SHANK2: variants seen among roughly 807,000 people sequenced by gnomAD.
The protein encoded by SHANK2 is SH3 and multiple ankyrin repeat domains 2.
A neutral mutation model predicts 133.7 loss-of-function variants in SHANK2; 43 were observed. That is an observed-to-expected ratio of 0.32 (90% CI 0.25 to 0.41). The LOEUF is 0.41. SHANK2 is among the 10% of genes least tolerant of loss of function. SHANK2 has a pLI of 1.00. For synonymous variants in SHANK2, 1,017 were observed against 952.8 expected, an observed-to-expected ratio of 1.07 and a Z score of -1.24; for missense variants, 1,994 against 2,235.8, an observed-to-expected ratio of 0.89 and a Z score of 2.18.
At chr11:71,078,484 G>A (rs1342223658) in intron 8 of SHANK2, among the ~76,000 whole-genome samples, 1 of 152,188 alleles carries the variant, frequency 6.6e-6, no homozygotes, top group African/African-American at 2.4e-5. Context: ...GGTGAAAGGG[G>A]TATGAGAAAA....
intron 17 of SHANK2, among the ~76,000 whole-genome samples, chr11:70,511,231 G>A (rs1364532282): frequency 3.9e-5 from 6 of 152,192 alleles, no homozygotes; most frequent in African/African-American, 1.4e-4. Context: ...AGACCAGCAC[G>A]CAACAAGGCA....
In SHANK2 at chr11:70,661,696, G is replaced by C; in HGVS notation, c.1854-18C>G. 1 of 1,614,106 alleles carries C rather than the reference G, an allele frequency of 6.2e-7. No homozygotes were observed. The highest frequency in any genetic ancestry group is 8.5e-7 in the Non-Finnish European group (1 of 1,180,038). On this transcript the variant is annotated intron_variant, in intron 15 of 25. Transcript: ENST00000601538. ...TGCAGTCACTGTAGAGAGAATTCCG[G>C]GGACAGCGACCATTATTGTAGCCCG... is the stretch of plus-strand genomic sequence containing the variant.
At chr11:70,767,332 C>G (rs552212262) in intron 14 of SHANK2, among the ~76,000 whole-genome samples, 26 of 152,278 alleles carry the variant, frequency 1.7e-4, no homozygotes, top group Admixed American at 9.2e-4. Flanking sequence ...TATGACCCAC[C>G]AATTCCATTC....
intron 14 of SHANK2, among the ~76,000 whole-genome samples, chr11:70,760,291 C>G (rs1423543438): frequency 2.0e-5 from 3 of 152,242 alleles, no homozygotes; most frequent in East Asian, 1.9e-4. Context: ...CTCACCTCCT[C>G]GAAGCGCCTG....
intron 17 of SHANK2, among the ~76,000 whole-genome samples, chr11:70,609,448 C>T (rs2060624831): frequency 6.6e-6 from 1 of 152,314 alleles, no homozygotes; most frequent in South Asian, 2.1e-4. Context: ...CACCCAACCA[C>T]CATGTGACCC....
At position 70,635,757 on chromosome 11, in the gene SHANK2, A is replaced by T. The variant is rs1350340537; in HGVS notation, c.2061+24071T>A. ...TAAACATAATACAAAGTATAACTGT[A>T]AAAAAAAAAAGGGGGGAGGAAGTGA... On this transcript the variant is annotated intron_variant, in intron 17 of 25. Coordinates refer to ENST00000601538, the MANE Select transcript of SHANK2 (RefSeq NM_012309.5). 5.9e-5 allele frequency among the ~76,000 whole-genome samples: 8 copies of T among 134,654 alleles called. No homozygotes were observed. In the Admixed American group the frequency reaches 6.3e-4, roughly 11 times the overall value. 88.3% of individuals were successfully genotyped at this position (134,654 alleles called of 152,430 possible). A position where few individuals can be genotyped will look rare whatever the true frequency, so the allele number is the denominator to read the frequency against.
intron 17 of SHANK2, among the ~76,000 whole-genome samples, chr11:70,526,429 C>T (rs1186317664): frequency 6.6e-6 from 1 of 152,202 alleles, no homozygotes; most frequent in Non-Finnish European, 1.5e-5. Context: ...CCCTGCTTCA[C>T]CTTTCCACAT....
rs1202724625 is a variant in SHANK2 at position 70,487,290 on chromosome 11, G to A, written c.3003C>T (p.Tyr1001=). 4 of 1,614,210 alleles carry A rather than the reference G, an allele frequency of 2.5e-6. No individual in the cohort carries two copies. Among genetic ancestry groups the A allele is most frequent in the Admixed American group, 1.7e-5 (1 of 60,028 alleles). The change falls in exon 25 of 26, where the codon TAC becomes TAT. Residue 1001 remains tyrosine (Y), a synonymous_variant. Transcript: ENST00000601538. This position sits in a 1 kb window ranked among gnomAD's most constrained non-coding sequence, Gnocchi z 5.8. ...TCCGCCTGGCGGGCTTGGCGGGGAC[G>A]TAGACGGCTTTGCTGGCGATCTTCC... ...EVGKIASKAV[Y]VPAKPARRKG...
At chr11:70,747,469 C>G (rs571860774) in intron 14 of SHANK2, among the ~76,000 whole-genome samples, 2 of 152,324 alleles carry the variant, frequency 1.3e-5, no homozygotes, top group East Asian at 3.9e-4. Context: ...TTCCTTGTCA[C>G]ATCCTGGAAG....
At chr11:70,940,326 A>G (rs1260212982) in intron 10 of SHANK2, among the ~76,000 whole-genome samples, 2 of 147,600 alleles carry the variant, frequency 1.4e-5, no homozygotes, top group Non-Finnish European at 3.0e-5. Flanking sequence ...GGCTTACTGC[A>G]ACCTCTGCCT....
At chr11:70,538,717 G>C (rs1478375905) in intron 17 of SHANK2, among the ~76,000 whole-genome samples, 2 of 152,184 alleles carry the variant, frequency 1.3e-5, no homozygotes, top group Non-Finnish European at 2.9e-5. Flanking sequence ...GGGGAGATAA[G>C]ATCCACCAGC....
intron 14 of SHANK2, among the ~76,000 whole-genome samples, chr11:70,762,052 G>A (rs1232012746): frequency 1.3e-5 from 2 of 152,148 alleles, no homozygotes; most frequent in Non-Finnish European, 1.5e-5. Context: ...TGTGGGCGTG[G>A]GGTTCTTTTT....
At chr11:70,543,939 C>T (rs918131727) in intron 17 of SHANK2, among the ~76,000 whole-genome samples, 1 of 152,178 alleles carries the variant, frequency 6.6e-6, no homozygotes, top group African/African-American at 2.4e-5. Flanking sequence ...TGTGTGGGAA[C>T]CCCACTCATC....
intron 15 of SHANK2, among the ~76,000 whole-genome samples, chr11:70,666,473 T>C (rs782270157): frequency 6.6e-6 from 1 of 152,090 alleles, no homozygotes; most frequent in Non-Finnish European, 1.5e-5. Flanking sequence ...GGTTCATGAA[T>C]CTAAAACCTA....
intron 14 of SHANK2, among the ~76,000 whole-genome samples, chr11:70,777,691 C>T (rs568984486): frequency 4.5e-4 from 69 of 152,340 alleles, no homozygotes; most frequent in African/African-American, 1.6e-3. Context: ...CACAAACAGG[C>T]GTTTACAAAT....
rs1422972002 is a variant in SHANK2, at chr11:70,739,741, G to C, written c.1778-40978C>G. On this transcript the variant is annotated intron_variant, in intron 14 of 25. Transcript: ENST00000601538. This position sits in a 1 kb window ranked among gnomAD's most constrained non-coding sequence, Gnocchi z 4.3. ...GAATGTGACTGTATTTGGAGATAAG[G>C]TCTTTAAAGAGGTGATTAAGTTAAA... 6.6e-6 allele frequency among the ~76,000 whole-genome samples: 1 copy of C among 152,188 alleles called. No individual in the cohort carries two copies. Among genetic ancestry groups the C allele is most frequent in the Non-Finnish European group, 1.5e-5 (1 of 68,034 alleles).
chr11:70,705,923 CT>C (rs1348291049), intron 14 of SHANK2: 10 of 152,334 alleles, frequency 6.6e-5, no homozygotes, highest in African/African-American at 2.4e-4. Flanking sequence ...ATAGAATGAG[CT>C]TTTAAAAAAT....
At position 70,500,670 on chromosome 11, in the gene SHANK2, C is replaced by A; in HGVS notation, c.2288-80G>T. The A allele has an allele frequency of 6.4e-7, 1 of 1,550,454 alleles. No individual in the cohort carries two copies. Among genetic ancestry groups the A allele is most frequent in the African/African-American group, 1.4e-5 (1 of 73,424 alleles). On this transcript the variant is annotated intron_variant, in intron 20 of 25. Coordinates refer to ENST00000601538, the MANE Select transcript of SHANK2 (RefSeq NM_012309.5). This position sits in a 1 kb window ranked among gnomAD's most constrained non-coding sequence, Gnocchi z 4.5. Reference sequence around the variant, plus strand: ...AGCCTACACTCGGGCCTTGTCAGCTCAGGGCGCCTCAGGAGCAGGCTGGGC... The same window carrying A: ...AGCCTACACTCGGGCCTTGTCAGCTAAGGGCGCCTCAGGAGCAGGCTGGGC...
intron 9 of SHANK2, among the ~76,000 whole-genome samples, chr11:71,061,331 T>G (rs1251985237): frequency 1.3e-5 from 2 of 152,252 alleles, no homozygotes; most frequent in Admixed American, 1.3e-4. Flanking sequence ...AAAGCAGTCC[T>G]GCACCTCCCT....
Sources: allele counts gnomAD v4.1 joint callset (sites outside exome capture counted in the v4.1 genomes callset), GRCh38; gene constraint gnomAD v4.1.1; non-coding constraint Gnocchi (gnomAD v3.1); transcripts MANE v1.5; gene names NCBI Gene and HGNC (gene_info 2026-07-23, HGNC 2026-07-21).